CDH13: variants seen among roughly 807,000 people sequenced by gnomAD.
CDH13 encodes cadherin 13.
CDH13 carries 24 observed loss-of-function variants against 63.8 expected under a neutral mutation model. The observed-to-expected ratio is 0.38, with a 90% confidence interval of 0.27 to 0.53. The LOEUF is 0.53. Ranked by LOEUF, CDH13 falls within the 20% of genes least tolerant of loss-of-function variation. CDH13 has a pLI of 0.85. For synonymous variants in CDH13, 503 were observed against 355.3 expected (o/e 1.42, Z -4.67); for missense variants, 1,049 against 903.1 (o/e 1.16, Z -2.07).
intron 2 of CDH13, among the ~76,000 whole-genome samples, chr16:82,880,483 C>G (rs557791092): frequency 1.3e-5 from 2 of 152,198 alleles, no homozygotes; most frequent in East Asian, 1.9e-4. Context: ...GGCATTTGCT[C>G]TGTTATTTTG....
intron 2 of CDH13, among the ~76,000 whole-genome samples, chr16:82,986,533 C>A (rs1036355691): frequency 2.6e-5 from 4 of 152,152 alleles, no homozygotes; most frequent in Non-Finnish European, 5.9e-5. Context: ...GTGTACACAC[C>A]CGAGTGTTAT....
chr16:83,475,210 G>A (rs2073570547), intron 6 of CDH13, among the ~76,000 whole-genome samples: 1 of 152,248 alleles, frequency 6.6e-6, no homozygotes, highest in African/African-American at 2.4e-5. Context: ...CAACTGTGCA[G>A]GTCACACGTT....
chr16:83,560,674 C>T (rs2075687002), intron 7 of CDH13, among the ~76,000 whole-genome samples: 1 of 152,232 alleles, frequency 6.6e-6, no homozygotes, highest in Non-Finnish European at 1.5e-5. Flanking sequence ...GGCCTCCCTG[C>T]TGTGTGCTCT....
rs1405132664 is a variant in CDH13, at chr16:83,216,420, ATATATAT to A, written c.484-924_484-918del. On this transcript the variant is annotated intron_variant, in intron 4 of 13. Coordinates refer to ENST00000567109, the MANE Select transcript of CDH13 (RefSeq NM_001257.5). ...GAAATATATATATATATATATATATATATATATATATATATATATATATACACAACCC... is the reference window on the plus strand; with the variant it reads ...GAAATATATATATATATATATATATAATATATATATATATATACACAACCC... Among the ~76,000 whole-genome samples the A allele has an allele frequency of 1.2e-3, 114 of 96,776 alleles. 14 individuals are homozygous for A. The highest frequency in any genetic ancestry group is 1.8e-3 in the Non-Finnish European group (85 of 47,640). 63.5% of individuals were successfully genotyped at this position (96,776 alleles called of 152,430 possible).
chr16:83,125,754 A>T (rs1442920055), intron 4 of CDH13, among the ~76,000 whole-genome samples: 1 of 152,214 alleles, frequency 6.6e-6, no homozygotes, highest in African/African-American at 2.4e-5. Flanking sequence ...AAGCAGGAAG[A>T]TGTCAATGGT....
At chr16:83,625,750 C>T (rs1910238907) in intron 8 of CDH13, among the ~76,000 whole-genome samples, 1 of 152,186 alleles carries the variant, frequency 6.6e-6, no homozygotes, top group African/African-American at 2.4e-5. Context: ...GCAGCCCCCA[C>T]CCCCTGAAAT....
chr16:83,271,422 T>TTAAAAAAAAAAAAAAAAAAAAAAAAAAAA (rs1555522986), intron 5 of CDH13, among the ~76,000 whole-genome samples: 1 of 26,032 alleles, frequency 3.8e-5, no homozygotes, highest in Non-Finnish European at 7.1e-5. Context: ...GCAGAGTTCA[T>TTAAAAAAAAAAAAAAAAAAAAAAAAAAAA]AAAAAAAAAA....
chr16:83,410,763 G>A (rs1020677724), intron 6 of CDH13, among the ~76,000 whole-genome samples: 1 of 152,086 alleles, frequency 6.6e-6, no homozygotes, highest in Admixed American at 6.5e-5. Flanking sequence ...TCAAGTAACT[G>A]AGTCGTTGGC....
At chr16:83,539,616 G>A (rs1004162241) in intron 7 of CDH13, among the ~76,000 whole-genome samples, 5 of 152,224 alleles carry the variant, frequency 3.3e-5, no homozygotes, top group South Asian at 2.1e-4. Context: ...TGGTAACAGC[G>A]ATAATGATAA....
intron 4 of CDH13, among the ~76,000 whole-genome samples, chr16:83,212,676 C>T (rs2039374915): frequency 6.6e-6 from 1 of 152,188 alleles, no homozygotes; most frequent in African/African-American, 2.4e-5. Context: ...ATCAGTGATA[C>T]TCAACAGGGA....
At chr16:82,889,300 ATCTCTCTCTC>A (rs59500269) in intron 2 of CDH13, among the ~76,000 whole-genome samples, 7 of 149,804 alleles carry the variant, frequency 4.7e-5, no homozygotes, top group African/African-American at 1.2e-4. Flanking sequence ...TCTCTCTATT[ATCTCTCTCTC>A]TCTCTCTCTC....
intron 3 of CDH13, among the ~76,000 whole-genome samples, chr16:83,092,532 A>G (rs575262602): frequency 6.6e-6 from 1 of 152,324 alleles, no homozygotes; most frequent in African/African-American, 2.4e-5. Context: ...ATATAATAAA[A>G]TATTGCAAAT....
intron 1 of CDH13, among the ~76,000 whole-genome samples, chr16:82,820,307 A>G (rs1024692870): frequency 6.6e-6 from 1 of 152,210 alleles, no homozygotes; most frequent in African/African-American, 2.4e-5. Flanking sequence ...GTACTCATAA[A>G]AGACCAGGAA....
rs138661859 is a variant in CDH13, at chr16:83,032,699, G to T, written c.366+481G>T. 3.7e-4 allele frequency among the ~76,000 whole-genome samples: 56 copies of T among 152,184 alleles called. No homozygotes were observed. In the East Asian group the frequency reaches 9.9e-3, roughly 27 times the overall value. ...TAGGTTAGATCATGTGTCCACCCCTGAACTAAACATGGTGTCCATTGGGTT... is the reference window on the plus strand; with the variant it reads ...TAGGTTAGATCATGTGTCCACCCCTTAACTAAACATGGTGTCCATTGGGTT... On this transcript the variant is annotated intron_variant, in intron 3 of 13. Coordinates refer to ENST00000567109, the MANE Select transcript of CDH13 (RefSeq NM_001257.5).
intron 5 of CDH13, among the ~76,000 whole-genome samples, chr16:83,341,733 C>T (rs539630610): frequency 4.7e-4 from 71 of 152,232 alleles, no homozygotes; most frequent in African/African-American, 1.6e-3. Context: ...CCTTAACTTA[C>T]TCCATTCGGA....
chr16:83,310,295 C>T (rs533825518), intron 5 of CDH13, among the ~76,000 whole-genome samples: 12 of 152,196 alleles, frequency 7.9e-5, no homozygotes, highest in South Asian at 4.2e-4. Context: ...GTCTAAGATA[C>T]GGAGTAATTG....
At chr16:83,197,271 G>GTATATATA (rs71148817) in intron 4 of CDH13, among the ~76,000 whole-genome samples, 5 of 147,938 alleles carry the variant, frequency 3.4e-5, no homozygotes, top group African/African-American at 9.9e-5. Context: ...TGTATCATAG[G>GTATATATA]TATATATATA....
intron 7 of CDH13, among the ~76,000 whole-genome samples, chr16:83,572,057 C>G (rs1904675033): frequency 6.6e-6 from 1 of 152,192 alleles, no homozygotes. Context: ...ATAGGGATAA[C>G]TTCCAGAAAA....
chr16:82,687,965 T>C (rs1915251952), intron 1 of CDH13, among the ~76,000 whole-genome samples: 1 of 152,160 alleles, frequency 6.6e-6, no homozygotes, highest in Non-Finnish European at 1.5e-5. Flanking sequence ...AGGACAACTT[T>C]TACTGTCCAT....
Sources: gnomAD v4.1 joint callset for allele counts (sites outside exome capture counted in the v4.1 genomes callset) on GRCh38, gnomAD v4.1.1 for gene constraint, MANE v1.5 for transcripts, NCBI Gene and HGNC (gene_info 2026-07-23, HGNC 2026-07-21) for gene names.